The following PCDH11X variants were observed in gnomAD, a reference collection of about 807,000 sequenced individuals.
PCDH11X encodes protocadherin-11 X-linked.
A neutral mutation model predicts 53.3 loss-of-function variants in PCDH11X; 18 were observed. That is an observed-to-expected ratio of 0.34 (90% CI 0.23 to 0.50). PCDH11X has a LOEUF of 0.50. Among genes scored for constraint, PCDH11X ranks in the 20% least tolerant of loss-of-function variants. The probability of loss-of-function intolerance (pLI) is 0.98; values close to 1 mark genes in which losing one functional copy is unlikely to be tolerated. For synonymous variants in PCDH11X, 279 were observed against 393.3 expected, an observed-to-expected ratio of 0.71 and a Z score of 3.44; for missense variants, 570 against 1,032.4, an observed-to-expected ratio of 0.55 and a Z score of 6.14.
intron 6 of PCDH11X, among the ~76,000 whole-genome samples, chrX:92,187,707 T>C (rs935444081): frequency 8.9e-6 from 1 of 111,902 alleles, no homozygotes; most frequent in Non-Finnish European, 1.9e-5. Context: ...AAATGCAAAA[T>C]TTCCTGAAAA....
At position 92,438,767 on chromosome X, in the gene PCDH11X, C is replaced by T. The variant is rs185805076; in HGVS notation, c.3344-29532C>T. Among the ~76,000 whole-genome samples, 52 of 111,318 alleles carry T rather than the reference C, an allele frequency of 4.7e-4. No individual in the cohort carries two copies. In the East Asian group the frequency reaches 0.012, roughly 25 times the overall value. ...CCATTTATTTCTCCATAATTATTCA[C>T]TCTTCATCAAACATAAGCATAAAAA... On this transcript the variant is annotated intron_variant, in intron 9 of 10. Transcript: ENST00000682573.
intron 6 of PCDH11X, among the ~76,000 whole-genome samples, chrX:92,146,954 G>A (rs1014041544): frequency 2.7e-5 from 3 of 110,542 alleles, no homozygotes; most frequent in African/African-American, 6.6e-5. Flanking sequence ...AGCCGAGATC[G>A]CACCACTGCA....
intron 8 of PCDH11X, among the ~76,000 whole-genome samples, chrX:92,321,390 G>T (rs1396265609): frequency 1.8e-5 from 2 of 108,442 alleles, no homozygotes; most frequent in East Asian, 2.9e-4. Context: ...TAGAGACGGG[G>T]TTTCACCATG....
At chrX:92,151,488 G>A (rs1367403789) in intron 6 of PCDH11X, among the ~76,000 whole-genome samples, 3 of 111,290 alleles carry the variant, frequency 2.7e-5, no homozygotes, top group African/African-American at 6.5e-5. Flanking sequence ...CACCACGCCC[G>A]GCCTAGAATT....
At chrX:92,211,726 T>A (rs1012871180) in intron 7 of PCDH11X, among the ~76,000 whole-genome samples, 2 of 111,949 alleles carry the variant, frequency 1.8e-5, no homozygotes, top group Non-Finnish European at 3.8e-5. Flanking sequence ...TAAAATTATC[T>A]CTTACATAAT....
intron 6 of PCDH11X, among the ~76,000 whole-genome samples, chrX:92,020,144 C>T (rs1456997390): frequency 8.9e-6 from 1 of 112,695 alleles, no homozygotes; most frequent in African/African-American, 3.2e-5. Flanking sequence ...TCTCAAAAGC[C>T]ACTCAGCACA....
chrX:92,477,640 C>G (rs1409651422), intron 10 of PCDH11X, among the ~76,000 whole-genome samples: 5 of 65,593 alleles, frequency 7.6e-5, no homozygotes, highest in Non-Finnish European at 8.4e-5. Context: ...TTCCCTTTTC[C>G]CTCCTCATTT....
chrX:92,447,304 G>A (rs1219180462), intron 9 of PCDH11X, among the ~76,000 whole-genome samples: 2 of 111,248 alleles, frequency 1.8e-5, no homozygotes, highest in Non-Finnish European at 3.8e-5. Flanking sequence ...AGAGGTCTTC[G>A]TGGAAGCCCC....
At chrX:92,247,047 G>C (rs1260424072) in intron 7 of PCDH11X, among the ~76,000 whole-genome samples, 1 of 111,557 alleles carries the variant, frequency 9.0e-6, no homozygotes, top group East Asian at 2.8e-4. Flanking sequence ...TTATTTATCT[G>C]CCCACGATAA....
intron 6 of PCDH11X, among the ~76,000 whole-genome samples, chrX:91,999,344 T>A (rs1381585407): frequency 9.0e-6 from 1 of 111,716 alleles, no homozygotes; most frequent in Non-Finnish European, 1.9e-5. Context: ...TGCAGTTCTT[T>A]AAAGTGGGTT....
chrX:92,370,219 CAA>C (rs1473598439), intron 8 of PCDH11X, among the ~76,000 whole-genome samples: 1 of 110,445 alleles, frequency 9.1e-6, no homozygotes, highest in African/African-American at 3.3e-5. Context: ...TCAGAATTAT[CAA>C]GTTTTTTCTA....
intron 9 of PCDH11X, among the ~76,000 whole-genome samples, chrX:92,412,120 C>A: frequency 1.1e-5 from 1 of 88,952 alleles, no homozygotes; most frequent in African/African-American, 4.6e-5. Flanking sequence ...GCAGCAGCAG[C>A]ACAAGCAACA....
At chrX:92,226,046 C>T (rs1248069230) in intron 7 of PCDH11X, among the ~76,000 whole-genome samples, 2 of 111,385 alleles carry the variant, frequency 1.8e-5, no homozygotes, top group African/African-American at 6.5e-5. Flanking sequence ...ACAAAATATT[C>T]TTTGGGGAAT....
chrX:91,783,847 C>T (rs1372286183), intron 1 of PCDH11X, among the ~76,000 whole-genome samples: 1 of 112,002 alleles, frequency 8.9e-6, no homozygotes, highest in Non-Finnish European at 1.9e-5. Flanking sequence ...GAAGAGTCCA[C>T]GAACTTTAAT....
chrX:92,608,951 C>G (rs1235782652), intron 10 of PCDH11X, among the ~76,000 whole-genome samples: 2 of 111,092 alleles, frequency 1.8e-5, no homozygotes, highest in Admixed American at 9.6e-5. Flanking sequence ...TTTTTCATCC[C>G]TATAAGCTTG....
chrX:92,063,208 G>A (rs2063549899), intron 6 of PCDH11X, among the ~76,000 whole-genome samples: 2 of 108,414 alleles, frequency 1.8e-5, no homozygotes, highest in African/African-American at 6.7e-5. Context: ...GGGGGCTAGG[G>A]GAGGGATAGC....
At chrX:92,185,748 A>G (rs924261150) in intron 6 of PCDH11X, among the ~76,000 whole-genome samples, 1 of 111,373 alleles carries the variant, frequency 9.0e-6, no homozygotes, top group East Asian at 2.8e-4. Context: ...AAAATGTTCA[A>G]CATCACAAAT....
intron 6 of PCDH11X, among the ~76,000 whole-genome samples, chrX:92,122,126 G>A (rs1336363746): frequency 9.2e-6 from 1 of 108,854 alleles, no homozygotes; most frequent in Non-Finnish European, 1.9e-5. Flanking sequence ...GGGATTACAG[G>A]TGTCTGCCAC....
chrX:92,049,630 G>T (rs2063338530), intron 6 of PCDH11X, among the ~76,000 whole-genome samples: 1 of 110,908 alleles, frequency 9.0e-6, no homozygotes, highest in African/African-American at 3.3e-5. Context: ...TAGATAAACA[G>T]GTATTTTAAT....
Sources: gnomAD v4.1 joint callset for allele counts (sites outside exome capture counted in the v4.1 genomes callset) on GRCh38, gnomAD v4.1.1 for gene constraint, MANE v1.5 for transcripts, NCBI Gene and HGNC (gene_info 2026-07-23, HGNC 2026-07-21) for gene names.